Variants in DNAH5 observed in about 807,000 individuals in gnomAD.
DNAH5 encodes dynein axonemal heavy chain 5, also known as axonemal beta dynein heavy chain 5.
A neutral mutation model predicts 518.2 loss-of-function variants in DNAH5; 372 were observed. The ratio of observed to expected loss-of-function variants is 0.72; its 90% CI spans 0.66 to 0.78. The LOEUF is 0.78. Among genes scored for constraint, DNAH5 ranks in the 30% least tolerant of loss-of-function variants. DNAH5 has a pLI of 0.00. For synonymous variants in DNAH5, 2,039 were observed against 2,025.9 expected, an observed-to-expected ratio of 1.01 and a Z score of -0.17; for missense variants, 5,523 against 5,687.0, an observed-to-expected ratio of 0.97 and a Z score of 0.93.
At chr5:13,828,592 T>C (rs994145713) in intron 38 of DNAH5, among the ~76,000 whole-genome samples, 9 of 152,228 alleles carry the variant, frequency 5.9e-5, no homozygotes, top group African/African-American at 1.7e-4. Flanking sequence ...GATTAGACTG[T>C]AGCACTCGTT....
At chr5:13,820,581 T>C (rs1332728642) in intron 40 of DNAH5, 82 bp from the exon 41 acceptor site, 7 of 1,536,456 alleles carry the variant, frequency 4.6e-6, no homozygotes, top group Non-Finnish European at 6.2e-6. Flanking sequence ...TCCCAACAAT[T>C]TGGGAGGCCG....
At chr5:13,793,176 T>A (rs1305970827) in intron 49 of DNAH5, among the ~76,000 whole-genome samples, 1 of 152,178 alleles carries the variant, frequency 6.6e-6, no homozygotes, top group Non-Finnish European at 1.5e-5. Context: ...AACATAGCAA[T>A]CCAGACCTCA....
Position 13,870,864 on chromosome 5 carries a change from G to A in DNAH5, c.3737C>T (p.Pro1246Leu), listed in dbSNP as rs1438029996. The change falls in exon 24 of 79, where the codon CCA (proline) becomes CTA (leucine). Residue 1246 changes from proline (P) to leucine (L), a missense_variant. By Grantham distance (98) the Pro-to-Leu change is moderately conservative (BLOSUM62 -3). This residue lies in a region of DNAH5 where 5,121 missense variants were observed against 5,223.3 expected (regional missense o/e 0.98). Coordinates refer to ENST00000265104, the MANE Select transcript of DNAH5 (RefSeq NM_001369.3). ...CCGAATATCATCTAGGTCCTTAATT[G>A]GACGATTTAGTTTCTTATTGAATTC... ...IEEFNKKLNR[P>L]IKDLDDIRIA... 2 of 1,613,720 alleles carry A rather than the reference G, an allele frequency of 1.2e-6. No homozygotes were observed. Among genetic ancestry groups the A allele is most frequent in the South Asian group, 1.1e-5 (1 of 91,082 alleles).
At position 13,871,698 on chromosome 5, in the gene DNAH5, GCTT is replaced by G. The variant is rs1406471298; in HGVS notation, c.3461_3463del (p.Glu1154del). ...GCTCTGTGTAATAAATGTCTTAATG[GCTT>G]CTTCTTTTCCCTTTTGCCAAATGTG... On this transcript the variant is annotated inframe_deletion, in exon 23 of 79. Coordinates refer to ENST00000265104, the MANE Select transcript of DNAH5 (RefSeq NM_001369.3). 6.2e-7 allele frequency: 1 copy of G among 1,613,578 alleles called. No individual in the cohort carries two copies. The highest frequency in any genetic ancestry group is 1.3e-5 in the African/African-American group (1 of 74,892).
chr5:13,752,023 C>T, intron 64 of DNAH5, 111 bp downstream of exon 64: 1 of 1,170,630 alleles, frequency 8.5e-7, no homozygotes, highest in Non-Finnish European at 1.3e-6. Context: ...ACAAACCTTT[C>T]CCAAGGACTC....
At chr5:13,892,798 CTT>C (rs1773446658) in intron 16 of DNAH5, among the ~76,000 whole-genome samples, 1 of 152,220 alleles carries the variant, frequency 6.6e-6, no homozygotes, top group African/African-American at 2.4e-5. Context: ...CCAGTTTCCT[CTT>C]GTTTTATTTC....
chr5:13,744,683 G>C (rs1020938100), intron 65 of DNAH5, among the ~76,000 whole-genome samples: 1 of 152,036 alleles, frequency 6.6e-6, no homozygotes, highest in African/African-American at 2.4e-5. Context: ...CGTGAACATA[G>C]CATTTGTTAA....
chr5:13,917,256 T>C lies in DNAH5; in HGVS notation c.976A>G (p.Thr326Ala). Residue 326 changes from threonine to alanine, a missense_variant and splice_region_variant, in exon 8 of 79, where the codon ACT becomes GCT. Physicochemically the swap from Thr to Ala is moderately conservative, Grantham distance 58. Around this residue, in one of 3 missense-constraint regions of DNAH5, gnomAD observed 5,121 missense variants for 5,223.3 expected, o/e 0.98. Coordinates refer to ENST00000265104, the MANE Select transcript of DNAH5 (RefSeq NM_001369.3). Reference sequence around the variant, plus strand: ...ATTCGAATATCCATCTCCCGCCAAGTCTAAGCACAATAGGGAAAAGCAATT... The same window carrying C: ...ATTCGAATATCCATCTCCCGCCAAGCCTAAGCACAATAGGGAAAAGCAATT... ...LAAAKSKLLK[T>A]WREMDIRITD... 2 of 1,612,454 alleles carry C rather than the reference T, an allele frequency of 1.2e-6. No individual in the cohort carries two copies. Among genetic ancestry groups the C allele is most frequent in the Non-Finnish European group, 1.7e-6 (2 of 1,178,692 alleles).
chr5:13,737,479 C>T lies in DNAH5; in HGVS notation c.11228G>A (p.Arg3743Lys). The change falls in exon 66 of 79, where the codon AGA becomes AAA. Residue 3743 changes from arginine to lysine, a missense_variant. By Grantham distance (26) the Arg-to-Lys change is conservative. Around this residue, in one of 3 missense-constraint regions of DNAH5, gnomAD observed 5,121 missense variants for 5,223.3 expected, o/e 0.98. Coordinates refer to ENST00000265104, the MANE Select transcript of DNAH5 (RefSeq NM_001369.3). ...LTEKQELEKERTHLMEDVTAN... is the reference protein window; with the variant it reads ...LTEKQELEKEKTHLMEDVTAN... ...AGTTACATCTTCCATCAGATGAGTT[C>T]TTTCTTTCTCCAATTCCTATTAATT... is the stretch of plus-strand genomic sequence containing the variant. 6.2e-7 allele frequency: 1 copy of T among 1,613,910 alleles called. No individual in the cohort carries two copies. The highest frequency in any genetic ancestry group is 1.1e-5 in the South Asian group (1 of 91,078).
At chr5:13,844,728 T>C (rs1765733356) in intron 32 of DNAH5, 109 bp downstream of exon 32, 3 of 1,419,190 alleles carry the variant, frequency 2.1e-6, no homozygotes, top group Non-Finnish European at 3.0e-6. Flanking sequence ...CAAGAGCTAA[T>C]GAACAGGGAA....
At chr5:13,791,774 G>A (rs991193391) in intron 50 of DNAH5, among the ~76,000 whole-genome samples, 1 of 151,986 alleles carries the variant, frequency 6.6e-6, no homozygotes, top group African/African-American at 2.4e-5. Flanking sequence ...TGTATATGAT[G>A]TTCTTAAAAC....
At position 13,737,372 on chromosome 5, in the gene DNAH5, C is replaced by T; in HGVS notation, c.11335G>A (p.Glu3779Lys). The change falls in exon 66 of 79, where the codon GAA becomes AAA. Residue 3779 changes from glutamate to lysine, a missense_variant. Around this residue, in one of 3 missense-constraint regions of DNAH5, gnomAD observed 5,121 missense variants for 5,223.3 expected, o/e 0.98. Transcript: ENST00000265104. ...TTACTCAGCACGACAATGAGACTTT[C>T]ATCTTCTACCAGGGACCCCTGGGTA... ...TSTQGSLVED[E>K]SLIVVLSNTK... The T allele has an allele frequency of 6.2e-7, 1 of 1,614,172 alleles. No homozygotes were observed.
At chr5:13,773,437 G>A (rs1753624926) in intron 55 of DNAH5, among the ~76,000 whole-genome samples, 1 of 152,044 alleles carries the variant, frequency 6.6e-6, no homozygotes, top group African/African-American at 2.4e-5. Flanking sequence ...GGATAAGGAT[G>A]ATTAAAGCAT....
chr5:13,998,301 T>C (rs891238872), intron 1 of DNAH5, among the ~76,000 whole-genome samples: 3 of 152,166 alleles, frequency 2.0e-5, no homozygotes, highest in Admixed American at 2.0e-4. Context: ...CTTAAGCCCT[T>C]TATAAGGACA....
At chr5:13,938,337 C>T (rs1779140446) in intron 1 of DNAH5, among the ~76,000 whole-genome samples, 1 of 152,060 alleles carries the variant, frequency 6.6e-6, no homozygotes, top group Non-Finnish European at 1.5e-5. Context: ...TCTCATTATG[C>T]AGGCTTCGTG....
intron 76 of DNAH5, among the ~76,000 whole-genome samples, chr5:13,703,276 G>A (rs1194956957): frequency 6.6e-6 from 1 of 152,138 alleles, no homozygotes; most frequent in Non-Finnish European, 1.5e-5. Flanking sequence ...GCCAGGCACT[G>A]TTCTAAGCAC....
intron 9 of DNAH5, among the ~76,000 whole-genome samples, chr5:13,915,474 G>C (rs1776547465): frequency 6.6e-6 from 1 of 152,010 alleles, no homozygotes; most frequent in Admixed American, 6.6e-5. Flanking sequence ...ACATTTACTT[G>C]TGGGTGTCAT....
chr5:13,969,472 T>C (rs766332759), intron 1 of DNAH5, among the ~76,000 whole-genome samples: 1 of 152,224 alleles, frequency 6.6e-6, no homozygotes, highest in Non-Finnish European at 1.5e-5. Context: ...ACTTTCCTTT[T>C]GGCACCACTT....
chr5:13,728,183 G>A (rs758277294), intron 69 of DNAH5, among the ~76,000 whole-genome samples: 1 of 152,142 alleles, frequency 6.6e-6, no homozygotes, highest in African/African-American at 2.4e-5. Context: ...TCAAATGAAT[G>A]ATCAGACACC....
Sources: allele counts gnomAD v4.1 joint callset (sites outside exome capture counted in the v4.1 genomes callset), GRCh38; gene constraint gnomAD v4.1.1; regional missense constraint gnomAD v4.1.1; transcripts MANE v1.5; gene names NCBI Gene and HGNC (gene_info 2026-07-23, HGNC 2026-07-21).